The following KAZN variants were observed in gnomAD, a reference collection of about 807,000 sequenced individuals.
The protein encoded by KAZN is kazrin.
In KAZN, 40 loss-of-function variants were observed where a neutral mutation model predicts 87.4. That is an observed-to-expected ratio of 0.46 (90% CI 0.36 to 0.60). The LOEUF (loss-of-function observed/expected upper bound fraction) is 0.60, where lower values mean the gene tolerates loss of function less well. Among genes scored for constraint, KAZN ranks in the 20% least tolerant of loss-of-function variants. The pLI, the probability that KAZN is intolerant of heterozygous loss-of-function variation, is 0.00. For synonymous variants in KAZN, 466 were observed against 458.3 expected (o/e 1.02, Z -0.22); for missense variants, 898 against 1,073.9 (o/e 0.84, Z 2.29).
intron 2 of KAZN, among the ~76,000 whole-genome samples, chr1:14,544,059 A>T (rs1277477384): frequency 1.3e-5 from 2 of 152,182 alleles, no homozygotes; most frequent in Non-Finnish European, 2.9e-5. Context: ...ACCAATTTTG[A>T]ATCAGGCTTT....
Position 14,744,876 on chromosome 1 carries a change from G to A in KAZN, c.226+145653G>A, listed in dbSNP as rs192793944. ...CAAAAGAGGAATATCACCAGCACCC[G>A]GAGGCACCTGTGACCCCTCCAAGTC... is the stretch of plus-strand genomic sequence containing the variant. On this transcript the variant is annotated intron_variant, in intron 1 of 14. Coordinates refer to ENST00000376030, the MANE Select transcript of KAZN (RefSeq NM_201628.3). Among the ~76,000 whole-genome samples, 181 of 152,192 alleles carry A rather than the reference G, an allele frequency of 1.2e-3. 2 individuals are homozygous for A. Among genetic ancestry groups the A allele is most frequent in the Admixed American group, 0.011 (172 of 15,272 alleles).
At chr1:14,899,248 G>A (rs1446851696) in intron 1 of KAZN, among the ~76,000 whole-genome samples, 6 of 152,242 alleles carry the variant, frequency 3.9e-5, no homozygotes, top group Non-Finnish European at 5.9e-5. Flanking sequence ...AACTGAGGAT[G>A]AGGGTGCCTG....
At chr1:14,322,864 C>A (rs1656143154) in intron 2 of KAZN, among the ~76,000 whole-genome samples, 1 of 152,128 alleles carries the variant, frequency 6.6e-6, no homozygotes, top group Admixed American at 6.5e-5. Flanking sequence ...AAAGAACTGC[C>A]TGAGACTGCA....
At chr1:14,901,217 G>C (rs1473288946) in intron 1 of KAZN, among the ~76,000 whole-genome samples, 1 of 152,250 alleles carries the variant, frequency 6.6e-6, no homozygotes, top group Non-Finnish European at 1.5e-5. Flanking sequence ...ACGTAGACCT[G>C]AATGGCATCT....
intron 1 of KAZN, among the ~76,000 whole-genome samples, chr1:14,885,074 A>C (rs532647034): frequency 2.2e-3 from 331 of 152,320 alleles, no homozygotes; most frequent in Non-Finnish European, 2.7e-3. Flanking sequence ...CGTCGGTATC[A>C]AGCAGTTAGA....
chr1:13,997,433 G>T (rs6659321), intron 1 of KAZN, among the ~76,000 whole-genome samples: 6,230 of 151,862 alleles, frequency 0.041, 430 homozygotes, highest in African/African-American at 0.14. Flanking sequence ...GAGCTACGGG[G>T]GCATATTCTA....
intron 2 of KAZN, among the ~76,000 whole-genome samples, chr1:14,294,863 T>C (rs1204669014): frequency 1.3e-5 from 2 of 151,480 alleles, no homozygotes; most frequent in Non-Finnish European, 2.9e-5. Flanking sequence ...TAGAGAGCCC[T>C]CAGGAATCAT....
chr1:14,783,893 G>T (rs1557486013), intron 1 of KAZN, among the ~76,000 whole-genome samples: 1 of 152,102 alleles, frequency 6.6e-6, no homozygotes. Context: ...GATGAATAGA[G>T]GTTATGAGGA....
Position 14,883,049 on chromosome 1 carries a change from A to C in KAZN, c.227-77635A>C, listed in dbSNP as rs1192129897. On this transcript the variant is annotated intron_variant, in intron 1 of 14. Transcript: ENST00000376030. ...GGTGGCTCATACCTGTAATCCCAGC[A>C]CTTTGGGAGGCTGAGGTGGGTGGAT... is the stretch of plus-strand genomic sequence containing the variant. Among the ~76,000 whole-genome samples the C allele has an allele frequency of 3.9e-5, 6 of 152,086 alleles. No individual in the cohort carries two copies. In the South Asian group the frequency reaches 8.3e-4, roughly 21 times the overall value.
intron 2 of KAZN, among the ~76,000 whole-genome samples, chr1:14,501,077 CAAAA>C (rs1294631526): frequency 2.5e-5 from 3 of 118,958 alleles, no homozygotes; most frequent in East Asian, 4.6e-4. Flanking sequence ...AGAGCATCTG[CAAAA>C]AATAAATAAA....
chr1:14,599,327 T>C lies in KAZN; in HGVS notation c.226+104T>C. The C allele has an allele frequency of 8.5e-7, 1 of 1,179,856 alleles. No individual in the cohort carries two copies. Among genetic ancestry groups the C allele is most frequent in the Middle Eastern group, 3.3e-4 (1 of 3,076 alleles). The allele number at this position is 1,179,856 out of a possible 1,614,324, so 73.1% of individuals were successfully genotyped here. A position where few individuals can be genotyped will look rare whatever the true frequency, so the allele number is the denominator to read the frequency against. On this transcript the variant is annotated intron_variant, in intron 1 of 14. Coordinates refer to ENST00000376030, the MANE Select transcript of KAZN (RefSeq NM_201628.3). The surrounding 1 kb of genome is among the most constrained non-coding windows in gnomAD (Gnocchi z 4.4). ...TCCCCCACACCCGGGGCGAAATCGC[T>C]TTGCATTCTGGCTTGTAACCCTTTC... is the stretch of plus-strand genomic sequence containing the variant.
intron 4 of KAZN, among the ~76,000 whole-genome samples, chr1:15,045,033 G>A (rs915863531): frequency 6.6e-6 from 1 of 152,152 alleles, no homozygotes; most frequent in African/African-American, 2.4e-5. Flanking sequence ...GGGGACAGAG[G>A]GTCCGGGTCG....
intron 1 of KAZN, among the ~76,000 whole-genome samples, chr1:14,130,856 G>A (rs1311346689): frequency 7.0e-6 from 1 of 142,074 alleles, no homozygotes; most frequent in African/African-American, 2.7e-5. Flanking sequence ...AGAGGGTAGG[G>A]AGATGGCAGG....
intron 2 of KAZN, among the ~76,000 whole-genome samples, chr1:14,225,653 T>C (rs569080035): frequency 6.6e-6 from 1 of 152,266 alleles, no homozygotes; most frequent in African/African-American, 2.4e-5. Flanking sequence ...TAAAACAGTA[T>C]GTCCTGGTGC....
At chr1:13,968,446 A>C (rs1167303813) in intron 1 of KAZN, among the ~76,000 whole-genome samples, 5 of 152,164 alleles carry the variant, frequency 3.3e-5, no homozygotes. Flanking sequence ...ACCCACCTTT[A>C]ACTCCAGCTG....
At chr1:14,043,783 C>T (rs188000273) in intron 1 of KAZN, among the ~76,000 whole-genome samples, 215 of 152,136 alleles carry the variant, frequency 1.4e-3, no homozygotes, top group African/African-American at 5.0e-3. Context: ...GTAACATATC[C>T]CCATGTTACA....
chr1:14,490,168 G>A (rs934905302), intron 2 of KAZN, among the ~76,000 whole-genome samples: 4 of 152,130 alleles, frequency 2.6e-5, no homozygotes, highest in African/African-American at 9.7e-5. Flanking sequence ...TAGTCAGGTT[G>A]GCCTCTGTGA....
intron 2 of KAZN, among the ~76,000 whole-genome samples, chr1:14,506,285 T>C (rs1348770012): frequency 1.3e-5 from 2 of 152,212 alleles, no homozygotes; most frequent in Non-Finnish European, 2.9e-5. Context: ...CCAGCTGATA[T>C]AACCCATTTC....
chr1:14,279,003 G>T (rs1354075082), intron 2 of KAZN, among the ~76,000 whole-genome samples: 3 of 129,386 alleles, frequency 2.3e-5, no homozygotes, highest in African/African-American at 9.0e-5. Flanking sequence ...GGTAGATAAT[G>T]TCTGTTTTGC....
Sources: allele counts gnomAD v4.1 joint callset (sites outside exome capture counted in the v4.1 genomes callset), GRCh38; gene constraint gnomAD v4.1.1; non-coding constraint Gnocchi (gnomAD v3.1); transcripts MANE v1.5; gene names NCBI Gene and HGNC (gene_info 2026-07-23, HGNC 2026-07-21).